MTUS1: variants seen among roughly 807,000 people sequenced by gnomAD.
MTUS1 encodes microtubule-associated tumor suppressor 1.
Under a neutral mutation model 120.8 loss-of-function variants are expected in MTUS1, and 109 were observed. That is an observed-to-expected ratio of 0.90 (90% confidence interval 0.77 to 1.06). The LOEUF (loss-of-function observed/expected upper bound fraction) is 1.06. Among genes scored for constraint, MTUS1 ranks in the 50% least tolerant of loss-of-function variants. MTUS1 has a pLI of 0.00. For missense variants in MTUS1, 2,210 were observed against 1,486.3 expected (o/e 1.49, Z -8.01); for synonymous variants, 737 against 550.5 (o/e 1.34, Z -4.74).
intron 6 of MTUS1, among the ~76,000 whole-genome samples, chr8:17,703,321 G>A (rs1485225727): frequency 1.3e-5 from 2 of 152,110 alleles, no homozygotes; most frequent in African/African-American, 2.4e-5. Context: ...GCCGCTCTGG[G>A]AGTGTCTGTC....
At position 17,693,187 on chromosome 8, in the gene MTUS1, A is replaced by G. The variant is rs148297692; in HGVS notation, c.2624-8645T>C. On this transcript the variant is annotated intron_variant, in intron 6 of 14. Coordinates refer to ENST00000693296, the MANE Select transcript of MTUS1 (RefSeq NM_001363059.2). ...CTAACTCATTATAAAAATAGAACTA[A>G]TATGTTGAGGTAGAATTCCGAAATA... The G allele has an allele frequency of 3.9e-5, 6 of 152,318 alleles. No individual in the cohort carries two copies. The East Asian group carries it at 9.6e-4, about 24-fold the overall frequency. 9.4% of individuals were successfully genotyped at this position (152,318 alleles called of 1,614,324 possible).
chr8:17,749,555 A>G (rs1395022268), intron 2 of MTUS1, among the ~76,000 whole-genome samples: 6 of 151,636 alleles, frequency 4.0e-5, no homozygotes, highest in Non-Finnish European at 8.8e-5. Flanking sequence ...CAGCTACTCA[A>G]AAGGCTGAGG....
At chr8:17,801,135 GGGTC>G (rs2052651790), upstream of MTUS1, among the ~76,000 whole-genome samples, 1 of 151,702 alleles carries the variant, frequency 6.6e-6, no homozygotes, top group Admixed American at 6.5e-5. Context: ...ACCACTGGCG[GGGTC>G]GCCGAGAACC....
chr8:17,659,870 T>G (rs935757042), intron 8 of MTUS1, among the ~76,000 whole-genome samples: 4 of 152,142 alleles, frequency 2.6e-5, no homozygotes, highest in Admixed American at 2.6e-4. Context: ...AATTAAACAG[T>G]AACAACCCAT....
At chr8:17,698,084 G>C (rs1384687003) in intron 6 of MTUS1, among the ~76,000 whole-genome samples, 1 of 151,996 alleles carries the variant, frequency 6.6e-6, no homozygotes, top group Non-Finnish European at 1.5e-5. Context: ...AAAGGTTAAA[G>C]TTCAACTTTA....
intron 3 of MTUS1, among the ~76,000 whole-genome samples, chr8:17,731,711 A>C (rs2046594119): frequency 6.6e-6 from 1 of 152,236 alleles, no homozygotes; most frequent in Admixed American, 6.5e-5. Flanking sequence ...AAAGGAAATG[A>C]ACAGCAGCAG....
intron 14 of MTUS1, among the ~76,000 whole-genome samples, chr8:17,646,447 G>T (rs967268778): frequency 1.3e-5 from 2 of 152,048 alleles, no homozygotes; most frequent in Non-Finnish European, 2.9e-5. Flanking sequence ...AATTAGTCAC[G>T]CATGGTGACA....
chr8:17,669,259 T>C (rs142583802), intron 8 of MTUS1, among the ~76,000 whole-genome samples: 38 of 152,262 alleles, frequency 2.5e-4, no homozygotes, highest in African/African-American at 8.9e-4. Flanking sequence ...TAGCTAAGAC[T>C]TAAAAACTGA....
At chr8:17,719,292 A>T (rs952398562) in intron 4 of MTUS1, among the ~76,000 whole-genome samples, 1 of 152,264 alleles carries the variant, frequency 6.6e-6, no homozygotes, top group African/African-American at 2.4e-5. Flanking sequence ...CACAGAGCCA[A>T]CATTCTGTTC....
Position 17,739,171 on chromosome 8 carries a change from C to A in MTUS1, c.2287+4433G>T, listed in dbSNP as rs111972622. On this transcript the variant is annotated intron_variant, in intron 3 of 14. Coordinates refer to ENST00000693296, the MANE Select transcript of MTUS1 (RefSeq NM_001363059.2). Reference sequence around the variant, plus strand: ...AACAAACAAACAGAAAACAAACAAACAAAAAAACAAATTAGACTTTATTAT... The same window carrying A: ...AACAAACAAACAGAAAACAAACAAAAAAAAAAACAAATTAGACTTTATTAT... Among the ~76,000 whole-genome samples the A allele has an allele frequency of 1.9e-3, 289 of 151,722 alleles. 1 individual carries two copies. The highest frequency in any genetic ancestry group is 0.01 in the Middle Eastern group (3 of 294).
intron 1 of MTUS1, among the ~76,000 whole-genome samples, chr8:17,792,631 A>G (rs2051890314): frequency 6.6e-6 from 1 of 152,256 alleles, no homozygotes; most frequent in African/African-American, 2.4e-5. Flanking sequence ...TGGAAGGACA[A>G]GGTGGACAGA....
chr8:17,646,243 G>C, intron 14 of MTUS1, 104 bp from the exon 15 acceptor site: 1 of 1,239,370 alleles, frequency 8.1e-7, no homozygotes. Context: ...TTATTCCTTT[G>C]GGATAAAACA....
intron 1 of MTUS1, among the ~76,000 whole-genome samples, chr8:17,789,168 G>T (rs1156608119): frequency 6.6e-6 from 1 of 151,968 alleles, no homozygotes; most frequent in African/African-American, 2.4e-5. Flanking sequence ...CAGTAGCTAG[G>T]ATTACAGGAA....
intron 2 of MTUS1, among the ~76,000 whole-genome samples, chr8:17,750,248 A>G (rs1292216395): frequency 6.6e-6 from 1 of 152,210 alleles, no homozygotes; most frequent in Non-Finnish European, 1.5e-5. Flanking sequence ...GCACTGGAGA[A>G]CAATACAGAA....
At chr8:17,705,285 G>A (rs969637139) in intron 6 of MTUS1, among the ~76,000 whole-genome samples, 1 of 152,070 alleles carries the variant, frequency 6.6e-6, no homozygotes, top group African/African-American at 2.4e-5. Context: ...TGCACAGCCT[G>A]TTTCTAAGGT....
At chr8:17,714,894 C>CTTTATTTTTTTTTTTT (rs1822017475) in intron 5 of MTUS1, among the ~76,000 whole-genome samples, 1 of 55,172 alleles carries the variant, frequency 1.8e-5, no homozygotes, top group Non-Finnish European at 3.3e-5. Flanking sequence ...ACAAATAATG[C>CTTTATTTTTTTTTTTT]TTTTTTTTTT....
intron 3 of MTUS1, among the ~76,000 whole-genome samples, chr8:17,729,110 T>C (rs575982222): frequency 5.3e-5 from 8 of 152,222 alleles, no homozygotes; most frequent in Admixed American, 1.3e-4. Context: ...AGAATATGTC[T>C]GTAGCTATAA....
Position 17,754,951 on chromosome 8 carries a change from T to A in MTUS1, c.857A>T (p.Glu286Val). Residue 286 changes from glutamate (E) to valine (V), a missense_variant, in exon 2 of 15, where the codon GAA becomes GTA. Coordinates refer to ENST00000693296, the MANE Select transcript of MTUS1 (RefSeq NM_001363059.2). Reference sequence around the variant, plus strand: ...TGGTGTTAGTGCTTGTGTCTCCTTTTCTCCAACTAGTCTTTGTTGTGATCC... The same window carrying A: ...TGGTGTTAGTGCTTGTGTCTCCTTTACTCCAACTAGTCTTTGTTGTGATCC... Reference protein sequence around the residue: ...TDGSQQRLVGEKETQALTPVS... With the variant: ...TDGSQQRLVGVKETQALTPVS... 6.2e-7 allele frequency: 1 copy of A among 1,614,108 alleles called. No individual in the cohort carries two copies. Among genetic ancestry groups the A allele is most frequent in the East Asian group, 2.2e-5 (1 of 44,872 alleles).
At chr8:17,722,569 T>A (rs1321508289) in intron 4 of MTUS1, 1 of 985,240 alleles carries the variant, frequency 1.0e-6, no homozygotes. Context: ...AGCTACTTAC[T>A]CTCATATGAG....
Sources: gnomAD v4.1 joint callset for allele counts (sites outside exome capture counted in the v4.1 genomes callset) on GRCh38, gnomAD v4.1.1 for gene constraint, MANE v1.5 for transcripts, NCBI Gene and HGNC (gene_info 2026-07-23, HGNC 2026-07-21) for gene names.